The following IFI16 variants were observed in gnomAD, a reference collection of about 807,000 sequenced individuals.
The protein encoded by IFI16 is interferon gamma inducible protein 16, also known as gamma-interferon-inducible protein 16.
A neutral mutation model predicts 68.4 loss-of-function variants in IFI16; 49 were observed. The observed-to-expected ratio is 0.72, with a 90% CI of 0.57 to 0.91. IFI16 has a LOEUF of 0.91. Ranked by LOEUF, IFI16 falls within the 40% of genes least tolerant of loss-of-function variation. The pLI, the probability that IFI16 is intolerant of heterozygous loss-of-function variation, is 0.00. For missense variants in IFI16, 878 were observed against 942.9 expected, an observed-to-expected ratio of 0.93 and a Z score of 0.90; for synonymous variants, 307 against 315.0, an observed-to-expected ratio of 0.97 and a Z score of 0.27.
Position 159,045,477 on chromosome 1 carries a change from T to G in IFI16, c.1497+13T>G, listed in dbSNP as rs906633073. The G allele has an allele frequency of 1.5e-5, 24 of 1,605,278 alleles. No homozygotes were observed. The highest frequency in any genetic ancestry group is 2.0e-5 in the Non-Finnish European group (23 of 1,174,316). ...TTTCTTAACCACGGTACAAGTTCCC[T>G]CTTCCCAATACATTCCCCTCACTAC... On this transcript the variant is annotated intron_variant, in intron 8 of 11. Transcript: ENST00000295809.
rs1288367509 is a variant in IFI16, at chr1:159,020,432, C to T, written c.1064C>T (p.Pro355Leu). ...VVGTGQCHNI[P>L]CEEGDKLQLF... ...GGGACAGGACAATGTCACAATATCC[C>T]CTGTGAAGAAGGAGATAAGCTCCAA... Residue 355 changes from proline (P) to leucine (L), a missense_variant, in exon 6 of 12, where the codon CCC becomes CTC. Physicochemically the swap from Pro to Leu is moderately conservative, Grantham distance 98 (BLOSUM62 -3). Transcript: ENST00000295809. The T allele has an allele frequency of 6.2e-7, 1 of 1,611,982 alleles. No individual in the cohort carries two copies. The highest frequency in any genetic ancestry group is 8.5e-7 in the Non-Finnish European group (1 of 1,178,270).
At chr1:159,034,199 CAACATAAGG>C (rs1654176000) in intron 7 of IFI16, among the ~76,000 whole-genome samples, 1 of 152,102 alleles carries the variant, frequency 6.6e-6, no homozygotes. Context: ...ACATCTAAAG[CAACATAAGG>C]CTGGGTTTCC....
Position 159,051,664 on chromosome 1 carries a change from T to C in IFI16, c.1666-15T>C, listed in dbSNP as rs368040149. 4 of 1,599,486 alleles carry C rather than the reference T, an allele frequency of 2.5e-6. No individual in the cohort carries two copies. Among genetic ancestry groups the C allele is most frequent in the African/African-American group, 2.7e-5 (2 of 74,170 alleles). ...TGTTTTAATTGTGCCTATGTTTTGGTCTCTACCTTCTAAGTTGAAACCAAG... is the reference window on the plus strand; with the variant it reads ...TGTTTTAATTGTGCCTATGTTTTGGCCTCTACCTTCTAAGTTGAAACCAAG... On this transcript the variant is annotated splice_polypyrimidine_tract_variant and intron_variant, in intron 9 of 11. Coordinates refer to ENST00000295809, the MANE Select transcript of IFI16 (RefSeq NM_001376587.1).
rs549913543 is a variant in IFI16, at chr1:159,021,423, G to A, written c.1161+894G>A. ...TTCCATCCGGGTTGCTGTGAATGCC[G>A]TTATTTTGTTCCTTTTTATGGATGA... is the stretch of plus-strand genomic sequence containing the variant. On this transcript the variant is annotated intron_variant, in intron 6 of 11. Transcript: ENST00000295809. Among the ~76,000 whole-genome samples the A allele has an allele frequency of 6.6e-5, 10 of 152,272 alleles. No homozygotes were observed. In the South Asian group the frequency reaches 1.7e-3, roughly 25 times the overall value.
Position 159,054,990 on chromosome 1 carries a change from A to T in IFI16, c.*89A>T, listed in dbSNP as rs1025685204. On this transcript the variant is annotated 3_prime_UTR_variant, in exon 12 of 12. Coordinates refer to ENST00000295809, the MANE Select transcript of IFI16 (RefSeq NM_001376587.1). Reference sequence around the variant, plus strand: ...ATATACCTGGTTGAAATACAACACTATACATACACACCACCATATATACTA... The same window carrying T: ...ATATACCTGGTTGAAATACAACACTTTACATACACACCACCATATATACTA... 1.5e-6 allele frequency: 1 copy of T among 652,806 alleles called. No individual in the cohort carries two copies. Among genetic ancestry groups the T allele is most frequent in the Non-Finnish European group, 2.8e-6 (1 of 358,362 alleles). 40.4% of individuals were successfully genotyped at this position (652,806 alleles called of 1,614,324 possible). A position where few individuals can be genotyped will look rare whatever the true frequency, so the allele number is the denominator to read the frequency against.
rs952762820 is a variant in IFI16, at chr1:159,055,001, C to A, written c.*100C>A. On this transcript the variant is annotated 3_prime_UTR_variant, in exon 12 of 12. Transcript: ENST00000295809. ...TGAAATACAACACTATACATACACA[C>A]CACCATATATACTAGCTGTTAATCC... The A allele has an allele frequency of 1.7e-6, 1 of 581,570 alleles. No homozygotes were observed. The highest frequency in any genetic ancestry group is 3.2e-6 in the Non-Finnish European group (1 of 315,888). 36.0% of individuals were successfully genotyped at this position (581,570 alleles called of 1,614,324 possible).
chr1:159,049,647 A>G (rs1655219664), intron 9 of IFI16, 48 bp downstream of exon 9: 4 of 1,609,484 alleles, frequency 2.5e-6, no homozygotes, highest in Non-Finnish European at 3.4e-6. Flanking sequence ...CTATATAATG[A>G]CAAGGATTAA....
intron 2 of IFI16, 60 bp from the exon 3 acceptor site, chr1:159,015,812 A>G: frequency 8.1e-7 from 1 of 1,238,198 alleles, no homozygotes; most frequent in South Asian, 1.2e-5. Context: ...GCTGTCGGAG[A>G]TCGTTTATAT....
intron 7 of IFI16, among the ~76,000 whole-genome samples, chr1:159,038,073 T>C (rs1269013815): frequency 6.6e-6 from 1 of 152,156 alleles, no homozygotes; most frequent in Non-Finnish European, 1.5e-5. Context: ...CTAATAAAAA[T>C]AATTAGTGTT....
chr1:159,019,753 A>G (rs548163839), intron 5 of IFI16, among the ~76,000 whole-genome samples: 4 of 152,216 alleles, frequency 2.6e-5, no homozygotes, highest in East Asian at 1.9e-4. Context: ...GCCATTGCGC[A>G]TGGCCTATAT....
chr1:159,015,862 T>C lies in IFI16; in HGVS notation c.266-10T>C, dbSNP rs4262539. On this transcript the variant is annotated splice_polypyrimidine_tract_variant and intron_variant, in intron 2 of 11. Coordinates refer to ENST00000295809, the MANE Select transcript of IFI16 (RefSeq NM_001376587.1). ...TGCATTGGTTGGGAATAAAATTGAA[T>C]CTATTCCAGTAAAAGGACCAGCCCT... The C allele has an allele frequency of 0.08, 126,936 of 1,584,408 alleles. 5,590 individuals are homozygous for C. The highest frequency in any genetic ancestry group is 0.11 in the Middle Eastern group (655 of 5,982).
upstream of IFI16, among the ~76,000 whole-genome samples, chr1:159,004,998 C>T (rs1470129427): frequency 6.6e-6 from 1 of 152,118 alleles, no homozygotes; most frequent in Non-Finnish European, 1.5e-5. Context: ...AAACTTAGTA[C>T]CCAATGCAAC....
chr1:159,015,026 A>G, intron 2 of IFI16, 81 bp downstream of exon 2: 1 of 1,303,262 alleles, frequency 7.7e-7, no homozygotes, highest in Non-Finnish European at 1.1e-6. Flanking sequence ...CACCTCGGAC[A>G]TACTTGAGAT....
rs1653991441 is a variant in IFI16 at position 159,031,410 on chromosome 1, T to G, written c.1162-1114T>G. On this transcript the variant is annotated intron_variant, in intron 6 of 11. Coordinates refer to ENST00000295809, the MANE Select transcript of IFI16 (RefSeq NM_001376587.1). ...CTTCAGCTGGAAGTTTTCTTCTCCC[T>G]GTGGTATTTCCCCAATTCTACTGGC... 2.0e-5 allele frequency among the ~76,000 whole-genome samples: 3 copies of G among 152,378 alleles called. No homozygotes were observed. The South Asian group carries it at 6.2e-4, about 32-fold the overall frequency.
intron 1 of IFI16, among the ~76,000 whole-genome samples, chr1:159,010,700 T>C (rs1652495580): frequency 6.6e-6 from 1 of 152,162 alleles, no homozygotes; most frequent in African/African-American, 2.4e-5. Context: ...TGTCTTAATA[T>C]TTTCATAAGT....
chr1:159,015,759 C>G (rs1401692383), intron 2 of IFI16, 113 bp from the exon 3 acceptor site: 1 of 744,260 alleles, frequency 1.3e-6, no homozygotes, highest in Non-Finnish European at 2.3e-6. Context: ...ACAGCTGAAC[C>G]CTCAAGCAGG....
upstream of IFI16, chr1:159,005,983 G>C (rs1228026958): frequency 6.6e-6 from 1 of 152,374 alleles, no homozygotes; most frequent in Non-Finnish European, 1.5e-5. Flanking sequence ...GACTACTCAG[G>C]CGTGCACTGC....
At chr1:159,030,876 T>TCG (rs60567074) in intron 6 of IFI16, among the ~76,000 whole-genome samples, 78 of 148,582 alleles carry the variant, frequency 5.2e-4, no homozygotes, top group East Asian at 4.0e-4. Context: ...AGGTGGTGGG[T>TCG]GGGGGGGCCA....
chr1:159,023,626 C>CT lies in IFI16; in HGVS notation c.1161+3108dup, dbSNP rs894845031. 3.1e-4 allele frequency among the ~76,000 whole-genome samples: 45 copies of CT among 146,272 alleles called. No individual in the cohort carries two copies. In the South Asian group the frequency reaches 4.1e-3, roughly 13 times the overall value. ...TTGGCCTGCAGTGTCTTGTTTTTACCTTTTTTTTTTTAGGTTGGTGAAATG... is the reference window on the plus strand; with the variant it reads ...TTGGCCTGCAGTGTCTTGTTTTTACCTTTTTTTTTTTTAGGTTGGTGAAATG... On this transcript the variant is annotated intron_variant, in intron 6 of 11. Coordinates refer to ENST00000295809, the MANE Select transcript of IFI16 (RefSeq NM_001376587.1).
Sources: allele counts gnomAD v4.1 joint callset (sites outside exome capture counted in the v4.1 genomes callset), GRCh38; gene constraint gnomAD v4.1.1; transcripts MANE v1.5; gene names NCBI Gene and HGNC (gene_info 2026-07-23, HGNC 2026-07-21).